Variants in SLC24A2 observed in about 807,000 individuals in gnomAD.
SLC24A2 encodes the protein sodium/potassium/calcium exchanger 2.
A neutral mutation model predicts 62.0 loss-of-function variants in SLC24A2; 36 were observed. That is an observed-to-expected ratio of 0.58 (90% CI 0.44 to 0.77). The LOEUF (loss-of-function observed/expected upper bound fraction) is 0.77, where lower values mean the gene tolerates loss of function less well. Among genes scored for constraint, SLC24A2 ranks in the 30% least tolerant of loss-of-function variants. The pLI is 0.00. For missense variants in SLC24A2, 846 were observed against 817.9 expected, an observed-to-expected ratio of 1.03 and a Z score of -0.42; for synonymous variants, 358 against 294.0, an observed-to-expected ratio of 1.22 and a Z score of -2.23.
the SLC24A2 span, among the ~76,000 whole-genome samples, chr9:20,158,238 G>C: frequency 6.6e-6 from 1 of 151,694 alleles, no homozygotes; most frequent in African/African-American, 2.4e-5. Flanking sequence ...AGTTGCACAA[G>C]GAAGAATAGA....
the SLC24A2 span, among the ~76,000 whole-genome samples, chr9:19,841,185 C>G: frequency 1.3e-5 from 2 of 152,090 alleles, no homozygotes; most frequent in South Asian, 4.2e-4. Flanking sequence ...AAAAGCATCT[C>G]TGTTTTTGTG....
intron 5 of SLC24A2, among the ~76,000 whole-genome samples, chr9:19,583,162 C>T (rs980966700): frequency 1.3e-5 from 2 of 152,170 alleles, no homozygotes; most frequent in African/African-American, 4.8e-5. Context: ...TTGTACGCTA[C>T]CCCTCTCCTC....
intron 2 of SLC24A2, among the ~76,000 whole-genome samples, chr9:19,723,797 C>A (rs1821095706): frequency 6.6e-6 from 1 of 151,908 alleles, no homozygotes; most frequent in African/African-American, 2.4e-5. Flanking sequence ...AAATTTGCAA[C>A]TCAAAAAGTT....
chr9:20,278,723 T>C, the SLC24A2 span, among the ~76,000 whole-genome samples: 1 of 152,214 alleles, frequency 6.6e-6, no homozygotes, highest in African/African-American at 2.4e-5. Flanking sequence ...GTTTAGACTT[T>C]CTCACATTTT....
chr9:20,170,121 C>T, the SLC24A2 span, among the ~76,000 whole-genome samples: 1 of 144,398 alleles, frequency 6.9e-6, no homozygotes, highest in Non-Finnish European at 1.5e-5. Flanking sequence ...TTAACCCAAT[C>T]CAACAAAGAC....
chr9:20,279,154 C>T, the SLC24A2 span, among the ~76,000 whole-genome samples: 1 of 152,168 alleles, frequency 6.6e-6, no homozygotes, highest in African/African-American at 2.4e-5. Flanking sequence ...AGGTCCCTCC[C>T]ATGACACATG....
intron 2 of SLC24A2, among the ~76,000 whole-genome samples, chr9:19,745,177 A>C (rs1179784124): frequency 1.3e-5 from 2 of 152,134 alleles, no homozygotes; most frequent in African/African-American, 4.8e-5. Context: ...GCTCTGATGC[A>C]CCTGCTCCCT....
chr9:19,511,865 G>A lies in SLC24A2; in HGVS notation c.*4288C>T, dbSNP rs7868715. The stretch of plus-strand genomic sequence containing the variant: ...GGAGGCATAGCATCCACATAATCTC[G>A]CGTGTGTGTGGGGGTGTGGGTGTGT... On this transcript the variant is annotated 3_prime_UTR_variant, in exon 11 of 11. Transcript: ENST00000341998. 0.34 allele frequency: 52,144 copies of A among 152,112 alleles called. 10,474 individuals are homozygous for A. Among genetic ancestry groups the A allele is most frequent in the East Asian group, 0.58 (2,983 of 5,152 alleles). The allele number at this position is 152,112 out of a possible 1,614,324, so 9.4% of individuals were successfully genotyped here. A position where few individuals can be genotyped will look rare whatever the true frequency, so the allele number is the denominator to read the frequency against.
At chr9:19,906,419 T>C in the SLC24A2 span, among the ~76,000 whole-genome samples, 65 of 151,158 alleles carry the variant, frequency 4.3e-4, no homozygotes, top group African/African-American at 1.4e-3. Context: ...TTAAAAGAAC[T>C]AGAGAAGCAA....
At chr9:19,649,928 T>C (rs1818750492) in intron 2 of SLC24A2, among the ~76,000 whole-genome samples, 2 of 152,220 alleles carry the variant, frequency 1.3e-5, no homozygotes, top group East Asian at 1.9e-4. Flanking sequence ...CTATTCAGCA[T>C]GTCATGCTCA....
intron 2 of SLC24A2, among the ~76,000 whole-genome samples, chr9:19,695,818 A>T (rs1474086880): frequency 6.6e-6 from 1 of 152,178 alleles, no homozygotes; most frequent in Non-Finnish European, 1.5e-5. Context: ...TAAGTATCTC[A>T]ATACAGATAC....
intron 10 of SLC24A2, 28 bp from the exon 11 acceptor site, chr9:19,516,430 G>T (rs760736637): frequency 6.2e-7 from 1 of 1,611,842 alleles, no homozygotes; most frequent in African/African-American, 1.3e-5. Flanking sequence ...AGGGCAGAGG[G>T]GAGTGGGAAG....
chr9:20,233,338 C>G, the SLC24A2 span, among the ~76,000 whole-genome samples: 1 of 151,946 alleles, frequency 6.6e-6, no homozygotes, highest in African/African-American at 2.4e-5. Context: ...TTAAAGTCTC[C>G]CATTATTATT....
rs1820758725 is a variant in SLC24A2, at chr9:19,713,050, C to A, written c.930+72887G>T. On this transcript the variant is annotated intron_variant, in intron 2 of 10. Transcript: ENST00000341998. ...ACCTCCAGGGAATCTTTTTCAAAAC[C>A]CTACACCTCTCTGTCCCCTTTCCCT... 2.0e-5 allele frequency among the ~76,000 whole-genome samples: 3 copies of A among 152,124 alleles called. 1 individual carries two copies. The South Asian group carries it at 6.2e-4, about 32-fold the overall frequency.
intron 2 of SLC24A2, among the ~76,000 whole-genome samples, chr9:19,664,104 A>G (rs1222504349): frequency 6.6e-6 from 1 of 152,244 alleles, no homozygotes; most frequent in African/African-American, 2.4e-5. Context: ...CTGAAGTCAC[A>G]TCACGCATAG....
intron 2 of SLC24A2, among the ~76,000 whole-genome samples, chr9:19,730,145 G>A (rs1311287658): frequency 1.3e-5 from 2 of 152,144 alleles, no homozygotes; most frequent in East Asian, 1.9e-4. Flanking sequence ...CTCTGAACAA[G>A]TGTCACCAAA....
At chr9:20,217,968 T>A in the SLC24A2 span, among the ~76,000 whole-genome samples, 1 of 152,214 alleles carries the variant, frequency 6.6e-6, no homozygotes, top group Admixed American at 6.5e-5. Context: ...AACAGTCAAC[T>A]AGTCATTAGA....
chr9:19,569,770 C>T (rs992030458), intron 7 of SLC24A2, among the ~76,000 whole-genome samples: 1 of 152,144 alleles, frequency 6.6e-6, no homozygotes, highest in Admixed American at 6.5e-5. Context: ...CTCTGCTTGG[C>T]CCTCCTCTCT....
rs943789545 is a variant in SLC24A2, at chr9:19,507,844, G to A, written c.*8309C>T. On this transcript the variant is annotated 3_prime_UTR_variant, in exon 11 of 11. Transcript: ENST00000341998. Reference sequence around the variant, plus strand: ...GGTTACAATGCTCCTTTAAAACGGAGGCGAACAAAGGAAGCATGAGACCAC... The same window carrying A: ...GGTTACAATGCTCCTTTAAAACGGAAGCGAACAAAGGAAGCATGAGACCAC... The A allele has an allele frequency of 6.6e-6, 1 of 152,138 alleles. No homozygotes were observed. The highest frequency in any genetic ancestry group is 2.4e-5 in the African/African-American group (1 of 41,414). 9.4% of individuals were successfully genotyped at this position (152,138 alleles called of 1,614,324 possible). A position where few individuals can be genotyped will look rare whatever the true frequency, so the allele number is the denominator to read the frequency against.
Sources: allele counts gnomAD v4.1 joint callset (sites outside exome capture counted in the v4.1 genomes callset), GRCh38; gene constraint gnomAD v4.1.1; transcripts MANE v1.5; gene names NCBI Gene and HGNC (gene_info 2026-07-23, HGNC 2026-07-21).